Variants in NKAIN2 observed in about 807,000 individuals in gnomAD.
NKAIN2 encodes sodium/potassium-transporting ATPase subunit beta-1-interacting protein 2.
NKAIN2 carries 14 observed loss-of-function variants against 32.6 expected under a neutral mutation model. That is an observed-to-expected ratio of 0.43 (90% CI 0.28 to 0.67). The LOEUF is 0.67. Among genes scored for constraint, NKAIN2 ranks in the 30% least tolerant of loss-of-function variants. The pLI is 0.17. For missense variants in NKAIN2, 198 were observed against 258.3 expected (o/e 0.77, Z 1.60); for synonymous variants, 80 against 87.2 (o/e 0.92, Z 0.46).
chr6:124,112,681 G>T (rs759720633), intron 1 of NKAIN2, among the ~76,000 whole-genome samples: 1 of 152,076 alleles, frequency 6.6e-6, no homozygotes, highest in African/African-American at 2.4e-5. Context: ...ATCATTAAGA[G>T]ACTTCCATAA....
At chr6:124,547,534 A>T (rs1359816502) in intron 3 of NKAIN2, among the ~76,000 whole-genome samples, 1 of 152,224 alleles carries the variant, frequency 6.6e-6, no homozygotes, top group African/African-American at 2.4e-5. Flanking sequence ...ATTATCCTTT[A>T]CATTTGTTCA....
chr6:123,848,687 C>T (rs1775192395), intron 1 of NKAIN2, among the ~76,000 whole-genome samples: 1 of 152,138 alleles, frequency 6.6e-6, no homozygotes, highest in South Asian at 2.1e-4. Context: ...TGATACACTG[C>T]CACAGTCTGT....
At chr6:124,298,549 A>C (rs1796158409) in intron 2 of NKAIN2, among the ~76,000 whole-genome samples, 1 of 152,180 alleles carries the variant, frequency 6.6e-6, no homozygotes. Flanking sequence ...ACCTGTCAAC[A>C]GCTCTATTTA....
chr6:123,943,381 A>G (rs996246524), intron 1 of NKAIN2, among the ~76,000 whole-genome samples: 7 of 152,164 alleles, frequency 4.6e-5, no homozygotes, highest in African/African-American at 1.7e-4. Flanking sequence ...TTGTGTTATT[A>G]TCTGACTCCT....
At chr6:124,188,420 G>A (rs541615094) in intron 1 of NKAIN2, among the ~76,000 whole-genome samples, 4 of 152,130 alleles carry the variant, frequency 2.6e-5, no homozygotes, top group Non-Finnish European at 5.9e-5. Flanking sequence ...ATTAAATTAA[G>A]CTCATCCAGA....
At chr6:124,743,290 T>G (rs1027631621) in intron 4 of NKAIN2, among the ~76,000 whole-genome samples, 5 of 151,900 alleles carry the variant, frequency 3.3e-5, no homozygotes, top group Admixed American at 6.6e-5. Flanking sequence ...AATAAAAGAA[T>G]GTGGTAAACC....
At chr6:124,407,814 A>G (rs924156834) in intron 3 of NKAIN2, among the ~76,000 whole-genome samples, 7 of 150,910 alleles carry the variant, frequency 4.6e-5, no homozygotes, top group Non-Finnish European at 8.9e-5. Context: ...TCCCACCAAC[A>G]GTGTAAAAGT....
intron 1 of NKAIN2, among the ~76,000 whole-genome samples, chr6:124,279,559 A>G (rs1236581502): frequency 1.3e-5 from 2 of 151,476 alleles, no homozygotes; most frequent in Non-Finnish European, 2.9e-5. Context: ...TGTCTTACTT[A>G]TGGTTTGAGG....
intron 3 of NKAIN2, among the ~76,000 whole-genome samples, chr6:124,444,379 A>G (rs1775807485): frequency 6.6e-6 from 1 of 152,040 alleles, no homozygotes; most frequent in Non-Finnish European, 1.5e-5. Context: ...TTGATTCTAC[A>G]TATTTTATCC....
At chr6:124,731,839 A>G (rs1173887275) in intron 4 of NKAIN2, among the ~76,000 whole-genome samples, 1 of 152,126 alleles carries the variant, frequency 6.6e-6, no homozygotes, top group Non-Finnish European at 1.5e-5. Context: ...GTCTCTACAT[A>G]ACAATCTAAA....
chr6:124,376,614 A>G (rs1800005255), intron 3 of NKAIN2, among the ~76,000 whole-genome samples: 1 of 152,140 alleles, frequency 6.6e-6, no homozygotes, highest in Admixed American at 6.6e-5. Flanking sequence ...TGTGACAAGT[A>G]TAAACTTCCC....
intron 3 of NKAIN2, among the ~76,000 whole-genome samples, chr6:124,585,082 G>A (rs746015336): frequency 1.3e-5 from 2 of 152,154 alleles, no homozygotes; most frequent in Non-Finnish European, 2.9e-5. Flanking sequence ...AGACAAATGG[G>A]TAAAGAAAAG....
chr6:124,657,428 A>G (rs1784580570), intron 3 of NKAIN2, among the ~76,000 whole-genome samples: 1 of 152,174 alleles, frequency 6.6e-6, no homozygotes, highest in South Asian at 2.1e-4. Flanking sequence ...AGGTGATTGC[A>G]AGCTCTCTGA....
At chr6:124,553,279 A>G (rs1780357197) in intron 3 of NKAIN2, among the ~76,000 whole-genome samples, 1 of 152,130 alleles carries the variant, frequency 6.6e-6, no homozygotes, top group African/African-American at 2.4e-5. Flanking sequence ...AACATCTACT[A>G]TGTGCCAAAC....
intron 3 of NKAIN2, among the ~76,000 whole-genome samples, chr6:124,503,010 A>G (rs1475831438): frequency 6.6e-6 from 1 of 152,170 alleles, no homozygotes; most frequent in Non-Finnish European, 1.5e-5. Context: ...CATCATTTAA[A>G]TGGCATTGCA....
chr6:124,211,178 T>C (rs1791154660), intron 1 of NKAIN2, among the ~76,000 whole-genome samples: 1 of 151,888 alleles, frequency 6.6e-6, no homozygotes, highest in Non-Finnish European at 1.5e-5. Context: ...AGAGCCACTT[T>C]AGTAAGAATC....
chr6:123,966,443 G>A (rs1410077817), intron 1 of NKAIN2, among the ~76,000 whole-genome samples: 1 of 152,230 alleles, frequency 6.6e-6, no homozygotes, highest in Admixed American at 6.5e-5. Context: ...TACTGCCAAG[G>A]CACCTTTTTA....
At chr6:124,229,090 A>T (rs953945059) in intron 1 of NKAIN2, among the ~76,000 whole-genome samples, 2 of 152,206 alleles carry the variant, frequency 1.3e-5, no homozygotes, top group African/African-American at 4.8e-5. Flanking sequence ...TAGTCATTGG[A>T]AGATATCCAG....
At chr6:124,023,705 G>A (rs1436674429) in intron 1 of NKAIN2, among the ~76,000 whole-genome samples, 1 of 152,042 alleles carries the variant, frequency 6.6e-6, no homozygotes, top group Non-Finnish European at 1.5e-5. Flanking sequence ...CGTTACCTGT[G>A]CTAAAATACA....
Sources: gnomAD v4.1 joint callset for allele counts (sites outside exome capture counted in the v4.1 genomes callset) on GRCh38, gnomAD v4.1.1 for gene constraint, MANE v1.5 for transcripts, NCBI Gene and HGNC (gene_info 2026-07-23, HGNC 2026-07-21) for gene names.